The following MIPOL1 variants were observed in gnomAD, a reference collection of about 807,000 sequenced individuals.
The protein encoded by MIPOL1 is mirror-image polydactyly 1.
A neutral mutation model predicts 60.9 loss-of-function variants in MIPOL1; 57 were observed. That is an observed-to-expected ratio of 0.94 (90% CI 0.76 to 1.17). The LOEUF is 1.17. Among genes scored for constraint, MIPOL1 ranks in the 50% most tolerant of loss-of-function variants. The pLI, the probability that MIPOL1 is intolerant of heterozygous loss-of-function variation, is 0.00. For synonymous variants in MIPOL1, 179 were observed against 168.8 expected, an observed-to-expected ratio of 1.06 and a Z score of -0.47; for missense variants, 551 against 511.6, an observed-to-expected ratio of 1.08 and a Z score of -0.74.
chr14:37,342,297 G>A (rs949959968), intron 9 of MIPOL1, among the ~76,000 whole-genome samples: 1 of 151,830 alleles, frequency 6.6e-6, no homozygotes, highest in Admixed American at 6.6e-5. Context: ...GGAGGCGGAG[G>A]TTGCAGTGAG....
intron 11 of MIPOL1, among the ~76,000 whole-genome samples, chr14:37,467,478 A>G (rs889364682): frequency 1.3e-5 from 2 of 152,178 alleles, no homozygotes; most frequent in African/African-American, 4.8e-5. Context: ...GAAACCTTCA[A>G]ATTTCACAGG....
intron 12 of MIPOL1, among the ~76,000 whole-genome samples, chr14:37,519,639 A>G (rs1013935762): frequency 3.3e-5 from 5 of 152,052 alleles, no homozygotes; most frequent in African/African-American, 9.7e-5. Context: ...TGAATACCCT[A>G]TAAAAGATGA....
Position 37,414,802 on chromosome 14 carries a change from C to A in MIPOL1, c.937-8053C>A, listed in dbSNP as rs191783527. Among the ~76,000 whole-genome samples the A allele has an allele frequency of 3.9e-4, 59 of 152,152 alleles. 1 individual carries two copies. Among genetic ancestry groups the A allele is most frequent in the Non-Finnish European group, 6.6e-4 (45 of 68,008 alleles). ...CACAGGTCTGGATTCAAGATTAAGCCAAGTACTAGGAAACAAGCACAGGAA... is the reference window on the plus strand; with the variant it reads ...CACAGGTCTGGATTCAAGATTAAGCAAAGTACTAGGAAACAAGCACAGGAA... On this transcript the variant is annotated intron_variant, in intron 10 of 12. Coordinates refer to ENST00000684589, the MANE Select transcript of MIPOL1 (RefSeq NM_001388067.1).
At chr14:37,488,437 A>C (rs1167330296) in intron 11 of MIPOL1, among the ~76,000 whole-genome samples, 1 of 152,082 alleles carries the variant, frequency 6.6e-6, no homozygotes, top group Non-Finnish European at 1.5e-5. Context: ...GTCTCCCACT[A>C]TTATTGTGTG....
chr14:37,265,016 A>T (rs988523099), intron 3 of MIPOL1, among the ~76,000 whole-genome samples: 3 of 152,120 alleles, frequency 2.0e-5, no homozygotes, highest in Admixed American at 1.3e-4. Flanking sequence ...GATGAGCCAT[A>T]CCTTGGACTT....
chr14:37,355,690 T>A (rs901507313), intron 9 of MIPOL1, among the ~76,000 whole-genome samples: 3 of 132,044 alleles, frequency 2.3e-5, no homozygotes, highest in African/African-American at 8.3e-5. Flanking sequence ...TTCTTCCAGT[T>A]GATCGCATCG....
chr14:37,521,902 A>ATG (rs202211083), intron 12 of MIPOL1, among the ~76,000 whole-genome samples: 18,080 of 62,180 alleles, frequency 0.29, 1,215 homozygotes, highest in South Asian at 0.44. Flanking sequence ...AAATATATAT[A>ATG]TATATATATT....
intron 12 of MIPOL1, among the ~76,000 whole-genome samples, chr14:37,510,899 T>C (rs532788725): frequency 6.6e-6 from 1 of 152,196 alleles, no homozygotes; most frequent in Non-Finnish European, 1.5e-5. Context: ...CTCCCTCCCC[T>C]CACTGCCACC....
At chr14:37,452,856 G>T (rs889257085) in intron 11 of MIPOL1, among the ~76,000 whole-genome samples, 3 of 152,134 alleles carry the variant, frequency 2.0e-5, no homozygotes, top group African/African-American at 2.4e-5. Context: ...TGCCAGAGCC[G>T]TCTGTTAGGT....
At position 37,416,536 on chromosome 14, in the gene MIPOL1, G is replaced by A. The variant is rs187360047; in HGVS notation, c.937-6319G>A. On this transcript the variant is annotated intron_variant, in intron 10 of 12. Coordinates refer to ENST00000684589, the MANE Select transcript of MIPOL1 (RefSeq NM_001388067.1). Reference sequence around the variant, plus strand: ...AGCAAGTATTTATGTATCTAAACATGTCTACACATAGAAAAAGTACAGTAA... The same window carrying A: ...AGCAAGTATTTATGTATCTAAACATATCTACACATAGAAAAAGTACAGTAA... Among the ~76,000 whole-genome samples, 34 of 152,220 alleles carry A rather than the reference G, an allele frequency of 2.2e-4. No homozygotes were observed. The East Asian group carries it at 2.3e-3, about 10-fold the overall frequency.
At chr14:37,440,202 G>T (rs1422181003) in intron 11 of MIPOL1, among the ~76,000 whole-genome samples, 1 of 152,000 alleles carries the variant, frequency 6.6e-6, no homozygotes, top group Non-Finnish European at 1.5e-5. Flanking sequence ...ACTTCCAATT[G>T]TTTCATGTCA....
At chr14:37,327,361 C>T (rs61989591) in intron 9 of MIPOL1, among the ~76,000 whole-genome samples, 33,290 of 152,010 alleles carry the variant, frequency 0.22, 4,121 homozygotes, top group South Asian at 0.36. Flanking sequence ...AATCATGGCC[C>T]ACTGCAGCCT....
chr14:37,516,079 G>A (rs565509544), intron 12 of MIPOL1, among the ~76,000 whole-genome samples: 1 of 152,136 alleles, frequency 6.6e-6, no homozygotes, highest in Admixed American at 6.6e-5. Flanking sequence ...CAATTCAAAC[G>A]CAGACTCTAA....
intron 1 of MIPOL1, among the ~76,000 whole-genome samples, chr14:37,237,733 A>G (rs1335198884): frequency 6.6e-6 from 1 of 152,044 alleles, no homozygotes; most frequent in Admixed American, 6.6e-5. Flanking sequence ...TTTGCACCCA[A>G]CTTGGTGGGT....
At chr14:37,406,375 A>G (rs2093587952) in intron 10 of MIPOL1, among the ~76,000 whole-genome samples, 1 of 152,168 alleles carries the variant, frequency 6.6e-6, no homozygotes, top group African/African-American at 2.4e-5. Context: ...GATGTAGTGA[A>G]AAAACATACA....
At chr14:37,278,597 T>C (rs1168399783) in intron 6 of MIPOL1, 2 of 151,822 alleles carry the variant, frequency 1.3e-5, no homozygotes, top group Non-Finnish European at 3.0e-5. Flanking sequence ...AATGATTTCT[T>C]TTTCCTTCTT....
At position 37,244,820 on chromosome 14, in the gene MIPOL1, A is replaced by G. The variant is rs531243587; in HGVS notation, c.-198-2283A>G. ...AATCTTTAAGGTAAGGACAGAAATT[A>G]GTATTTTATTAGTCTTAATCCTTTG... is the stretch of plus-strand genomic sequence containing the variant. On this transcript the variant is annotated intron_variant, in intron 1 of 12. Coordinates refer to ENST00000684589, the MANE Select transcript of MIPOL1 (RefSeq NM_001388067.1). 2.6e-5 allele frequency among the ~76,000 whole-genome samples: 4 copies of G among 152,290 alleles called. No individual in the cohort carries two copies. In the East Asian group the frequency reaches 7.7e-4, roughly 29 times the overall value.
chr14:37,283,151 C>T (rs1214658562), intron 6 of MIPOL1, among the ~76,000 whole-genome samples: 2 of 152,016 alleles, frequency 1.3e-5, no homozygotes, highest in Non-Finnish European at 2.9e-5. Context: ...CTGCAACCTC[C>T]ACCTCCCGGG....
At chr14:37,504,818 C>G (rs542309421) in intron 12 of MIPOL1, 2 of 152,188 alleles carry the variant, frequency 1.3e-5, no homozygotes, top group African/African-American at 4.8e-5. Flanking sequence ...AATCCAGGAG[C>G]TGGTTTTTTG....
Sources: allele counts gnomAD v4.1 joint callset (sites outside exome capture counted in the v4.1 genomes callset), GRCh38; gene constraint gnomAD v4.1.1; transcripts MANE v1.5; gene names NCBI Gene and HGNC (gene_info 2026-07-23, HGNC 2026-07-21).